Variants in PDZRN4 observed in about 807,000 individuals in gnomAD.
PDZRN4 encodes PDZ domain-containing RING finger protein 4.
PDZRN4 carries 70 observed loss-of-function variants against 99.0 expected under a neutral mutation model. The ratio of observed to expected loss-of-function variants is 0.71; its 90% CI spans 0.58 to 0.86. The LOEUF is 0.86. Among genes scored for constraint, PDZRN4 ranks in the 40% least tolerant of loss-of-function variants. PDZRN4 has a pLI of 0.00. For synonymous variants in PDZRN4, 551 were observed against 501.6 expected (o/e 1.10, Z -1.32); for missense variants, 1,474 against 1,331.2 (o/e 1.11, Z -1.67).
chr12:41,491,954 AACCTAATTTAT>A (rs1170358276), intron 3 of PDZRN4, among the ~76,000 whole-genome samples: 2 of 152,178 alleles, frequency 1.3e-5, no homozygotes, highest in Non-Finnish European at 2.9e-5. Context: ...TAATTTTAAT[AACCTAATTTAT>A]ACTTGTTTCT....
intron 5 of PDZRN4, among the ~76,000 whole-genome samples, chr12:41,524,517 A>C (rs189410705): frequency 6.6e-6 from 1 of 152,256 alleles, no homozygotes; most frequent in African/African-American, 2.4e-5. Context: ...AGAAAGGGAA[A>C]GTATAGAGTT....
intron 3 of PDZRN4, among the ~76,000 whole-genome samples, chr12:41,353,641 G>T (rs1312855896): frequency 6.6e-6 from 1 of 152,144 alleles, no homozygotes; most frequent in East Asian, 1.9e-4. Flanking sequence ...GAGGAGGTGT[G>T]GCAAGCTGTG....
chr12:41,559,593 C>A (rs1283843270), intron 7 of PDZRN4, among the ~76,000 whole-genome samples: 3 of 152,108 alleles, frequency 2.0e-5, no homozygotes, highest in Non-Finnish European at 4.4e-5. Context: ...TTGGCCAAAA[C>A]TCAATAACGT....
At chr12:41,218,144 G>A (rs1950933068) in intron 3 of PDZRN4, among the ~76,000 whole-genome samples, 1 of 152,084 alleles carries the variant, frequency 6.6e-6, no homozygotes, top group Non-Finnish European at 1.5e-5. Flanking sequence ...TTAAAAAGCA[G>A]TGATCTTTCT....
At chr12:41,449,883 T>A (rs1442700454) in intron 3 of PDZRN4, among the ~76,000 whole-genome samples, 1 of 152,018 alleles carries the variant, frequency 6.6e-6, no homozygotes, top group Non-Finnish European at 1.5e-5. Context: ...ATTGAAATAG[T>A]CAAGTATAGC....
intron 3 of PDZRN4, among the ~76,000 whole-genome samples, chr12:41,293,320 C>A (rs1270339696): frequency 6.6e-6 from 1 of 150,640 alleles, no homozygotes; most frequent in Non-Finnish European, 1.5e-5. Flanking sequence ...TATGGACACA[C>A]ATGTAGCATC....
chr12:41,539,470 C>G (rs541005445), intron 5 of PDZRN4, among the ~76,000 whole-genome samples: 1 of 152,076 alleles, frequency 6.6e-6, no homozygotes, highest in South Asian at 2.1e-4. Flanking sequence ...AATTTGGGAA[C>G]AATTATTATT....
At chr12:41,267,398 G>T (rs1197036599) in intron 3 of PDZRN4, among the ~76,000 whole-genome samples, 1 of 151,572 alleles carries the variant, frequency 6.6e-6, no homozygotes, top group Non-Finnish European at 1.5e-5. Flanking sequence ...CCTATATCTG[G>T]AAGAAGAAGA....
Position 41,469,727 on chromosome 12 carries a change from C to G in PDZRN4, c.844-36729C>G, listed in dbSNP as rs56394503. ...GGGGCCGATCACGAGGTCAGGAGATCGAGACCATCCTGGCTAACACGGTGA... is the reference window on the plus strand; with the variant it reads ...GGGGCCGATCACGAGGTCAGGAGATGGAGACCATCCTGGCTAACACGGTGA... On this transcript the variant is annotated intron_variant, in intron 3 of 9. Transcript: ENST00000402685. 3.2e-3 allele frequency among the ~76,000 whole-genome samples: 486 copies of G among 152,002 alleles called. 2 individuals are homozygous for G. The highest frequency in any genetic ancestry group is 0.014 in the East Asian group (70 of 5,120).
At chr12:41,305,906 T>C (rs1247454304) in intron 3 of PDZRN4, among the ~76,000 whole-genome samples, 1 of 152,194 alleles carries the variant, frequency 6.6e-6, no homozygotes, top group African/African-American at 2.4e-5. Context: ...ATGTCAGATA[T>C]GGTTGAGGCT....
At chr12:41,353,677 C>T in intron 3 of PDZRN4, among the ~76,000 whole-genome samples, 1 of 152,060 alleles carries the variant, frequency 6.6e-6, no homozygotes, top group South Asian at 2.1e-4. Flanking sequence ...GAAGTGTTCT[C>T]TCTAGAATGG....
chr12:41,350,696 G>T (rs1420951562), intron 3 of PDZRN4, among the ~76,000 whole-genome samples: 1 of 152,080 alleles, frequency 6.6e-6, no homozygotes, highest in Admixed American at 6.6e-5. Context: ...GGAAACAATA[G>T]ATATAACTTT....
At position 41,505,421 on chromosome 12, in the gene PDZRN4, A is replaced by G. The variant is rs191326198; in HGVS notation, c.844-1035A>G. The stretch of plus-strand genomic sequence containing the variant: ...TTCTAGAGTCCTTTATTAAAACACA[A>G]CTTCCGCTAAAAGGCTGTGTTATCA... On this transcript the variant is annotated intron_variant, in intron 3 of 9. Coordinates refer to ENST00000402685, the MANE Select transcript of PDZRN4 (RefSeq NM_001164595.2). 2.4e-3 allele frequency among the ~76,000 whole-genome samples: 359 copies of G among 152,204 alleles called. 2 individuals carry two copies. Among genetic ancestry groups the G allele is most frequent in the Middle Eastern group, 0.021 (6 of 292 alleles).
At chr12:41,406,858 CAA>C (rs758320141) in intron 3 of PDZRN4, among the ~76,000 whole-genome samples, 79 of 46,914 alleles carry the variant, frequency 1.7e-3, no homozygotes, top group African/African-American at 3.0e-3. Context: ...AACTCCGTCT[CAA>C]AAAAAAAAAA....
At chr12:41,285,992 A>G in intron 3 of PDZRN4, among the ~76,000 whole-genome samples, 1 of 152,140 alleles carries the variant, frequency 6.6e-6, no homozygotes, top group East Asian at 1.9e-4. Flanking sequence ...CCAGAACTTA[A>G]AGTATAATTT....
chr12:41,329,800 C>T (rs1040836485), intron 3 of PDZRN4, among the ~76,000 whole-genome samples: 7 of 151,950 alleles, frequency 4.6e-5, no homozygotes, highest in African/African-American at 1.4e-4. Flanking sequence ...AGAAAATATA[C>T]AAAATCATCA....
At position 41,281,753 on chromosome 12, in the gene PDZRN4, G is replaced by A. The variant is rs181111700; in HGVS notation, c.843+87565G>A. ...AAACCTATGTTTCACTGGTGTACCT[G>A]AAAGTGACAGGGCGAATGGAACCAA... is the stretch of plus-strand genomic sequence containing the variant. On this transcript the variant is annotated intron_variant, in intron 3 of 9. Transcript: ENST00000402685. Among the ~76,000 whole-genome samples the A allele has an allele frequency of 9.7e-4, 147 of 152,300 alleles. 1 individual carries two copies. The highest frequency in any genetic ancestry group is 3.4e-3 in the African/African-American group (143 of 41,578).
At chr12:41,208,147 T>A (rs564456339) in intron 3 of PDZRN4, among the ~76,000 whole-genome samples, 4 of 152,034 alleles carry the variant, frequency 2.6e-5, no homozygotes, top group African/African-American at 7.2e-5. Flanking sequence ...CACTACTGCT[T>A]CTATTCCCAG....
intron 3 of PDZRN4, among the ~76,000 whole-genome samples, chr12:41,254,430 A>G (rs1426091593): frequency 3.9e-5 from 6 of 152,220 alleles, no homozygotes; most frequent in Non-Finnish European, 7.3e-5. Context: ...CAAAACTATA[A>G]TGCTTAACAG....
Sources: gnomAD v4.1 joint callset for allele counts (sites outside exome capture counted in the v4.1 genomes callset) on GRCh38, gnomAD v4.1.1 for gene constraint, MANE v1.5 for transcripts, NCBI Gene and HGNC (gene_info 2026-07-23, HGNC 2026-07-21) for gene names.